Variants in LOXHD1 observed in about 807,000 individuals in gnomAD.
The protein encoded by LOXHD1 is lipoxygenase homology domain-containing protein 1.
LOXHD1 carries 205 observed loss-of-function variants against 248.2 expected under a neutral mutation model. The ratio of observed to expected loss-of-function variants is 0.83; its 90% CI spans 0.74 to 0.93. LOXHD1 has a LOEUF of 0.93. Among genes scored for constraint, LOXHD1 ranks in the 40% least tolerant of loss-of-function variants. The pLI is 0.00. For synonymous variants in LOXHD1, 1,113 were observed against 1,162.8 expected (o/e 0.96, Z 0.87); for missense variants, 2,930 against 2,971.6 (o/e 0.99, Z 0.33).
At chr18:46,625,857 GA>G (rs2038734873) in intron 4 of LOXHD1, among the ~76,000 whole-genome samples, 2 of 152,050 alleles carry the variant, frequency 1.3e-5, no homozygotes, top group Non-Finnish European at 2.9e-5. Flanking sequence ...CTCTACGGAA[GA>G]CCCCTCCCAT....
intron 23 of LOXHD1, chr18:46,544,760 T>C: frequency 2.1e-6 from 1 of 469,046 alleles, no homozygotes; most frequent in South Asian, 1.6e-5. Flanking sequence ...TACCAGCACA[T>C]TGTTGTAGTA....
At chr18:46,525,540 G>C (rs116661844) in intron 29 of LOXHD1, among the ~76,000 whole-genome samples, 2,498 of 152,186 alleles carry the variant, frequency 0.016, 73 homozygotes, top group African/African-American at 0.057. Context: ...TGGGGGTTGT[G>C]ATACAAGGCC....
intron 21 of LOXHD1, among the ~76,000 whole-genome samples, chr18:46,552,620 G>A (rs75409927): frequency 0.23 from 34,497 of 151,984 alleles, 4,248 homozygotes; most frequent in Middle Eastern, 0.36. Context: ...GGGAGCCAAG[G>A]CCTCCACAGC....
chr18:46,557,933 G>T, intron 20 of LOXHD1: 4 of 1,044,746 alleles, frequency 3.8e-6, no homozygotes, highest in Non-Finnish European at 4.6e-6. Flanking sequence ...CAAATCCAAA[G>T]TGACTGTCAG....
intron 16 of LOXHD1, among the ~76,000 whole-genome samples, chr18:46,568,786 G>A (rs1311905654): frequency 6.6e-6 from 1 of 152,134 alleles, no homozygotes. Context: ...ACCTAAGTTG[G>A]GTTCAGTTCA....
chr18:46,483,803 A>G, intron 39 of LOXHD1, 58 bp from the exon 40 acceptor site: 2 of 1,520,714 alleles, frequency 1.3e-6, no homozygotes, highest in Non-Finnish European at 1.8e-6. Context: ...GCAGGTAAGC[A>G]TTTGTCGGGG....
At chr18:46,477,167 G>A (rs548441710), downstream of LOXHD1, 1 of 719,244 alleles carries the variant, frequency 1.4e-6, no homozygotes, top group South Asian at 1.5e-5. Context: ...TATCCCCTGG[G>A]TGAAGACTCA....
chr18:46,541,500 G>C (rs2036555664), intron 25 of LOXHD1, among the ~76,000 whole-genome samples: 1 of 152,178 alleles, frequency 6.6e-6, no homozygotes, highest in African/African-American at 2.4e-5. Flanking sequence ...TGCTGCAGAT[G>C]AGGAATCTGA....
At chr18:46,635,912 A>AGAGGG (rs2038887135) in intron 4 of LOXHD1, among the ~76,000 whole-genome samples, 1 of 152,172 alleles carries the variant, frequency 6.6e-6, no homozygotes, top group South Asian at 2.1e-4. Flanking sequence ...AGCACAAACA[A>AGAGGG]CCTGCCTCTT....
intron 4 of LOXHD1, among the ~76,000 whole-genome samples, chr18:46,625,413 GC>G (rs2038727392): frequency 8.1e-6 from 1 of 122,952 alleles, no homozygotes; most frequent in South Asian, 2.6e-4. Flanking sequence ...CAGTCTTTTG[GC>G]TTCCCTGGGC....
intron 28 of LOXHD1, among the ~76,000 whole-genome samples, chr18:46,532,730 T>C (rs2036127783): frequency 6.6e-6 from 1 of 152,194 alleles, no homozygotes; most frequent in Admixed American, 6.5e-5. Context: ...TCCAGTTACA[T>C]ATAAATCAAG....
At position 46,483,618 on chromosome 18, in the gene LOXHD1, T is replaced by A; in HGVS notation, c.6310A>T (p.Ile2104Phe). The A allele has an allele frequency of 1.3e-6, 2 of 1,551,658 alleles. No homozygotes were observed. The highest frequency in any genetic ancestry group is 1.7e-6 in the Non-Finnish European group (2 of 1,146,990). Reference sequence around the variant, plus strand: ...CCGTACTCCATCTCGGTGATGGTGATGGTCTTGACATGCCAGGCAAGTTCT... The same window carrying A: ...CCGTACTCCATCTCGGTGATGGTGAAGGTCTTGACATGCCAGGCAAGTTCT... ...KRELAWHVKT[I>F]TITEMEYGNV... The change falls in exon 40 of 41, where the codon ATC (isoleucine) becomes TTC (phenylalanine). Residue 2104 changes from isoleucine (I) to phenylalanine (F), a missense_variant. Coordinates refer to ENST00000642948, the MANE Select transcript of LOXHD1 (RefSeq NM_001384474.1).
intron 21 of LOXHD1, 24 bp from the exon 22 acceptor site, chr18:46,547,082 T>C (rs765965422): frequency 2.4e-5 from 38 of 1,551,526 alleles, no homozygotes; most frequent in Middle Eastern, 3.3e-4. Context: ...TAGGGAAAGA[T>C]TGGAATGTCC....
chr18:46,551,681 A>G (rs561413422), intron 21 of LOXHD1, among the ~76,000 whole-genome samples: 6 of 152,254 alleles, frequency 3.9e-5, no homozygotes, highest in East Asian at 3.9e-4. Context: ...GTTCAAACAT[A>G]AAATTTTCTG....
At chr18:46,564,106 G>GTA (rs1404833740) in intron 17 of LOXHD1, among the ~76,000 whole-genome samples, 5 of 152,116 alleles carry the variant, frequency 3.3e-5, no homozygotes, top group Non-Finnish European at 7.3e-5. Flanking sequence ...GTGTGTGTGT[G>GTA]TGTGTGTGTG....
chr18:46,572,508 G>A (rs1350140856), intron 14 of LOXHD1, among the ~76,000 whole-genome samples: 2 of 152,178 alleles, frequency 1.3e-5, no homozygotes, highest in African/African-American at 2.4e-5. Flanking sequence ...AGTTGAAACA[G>A]GACCATGTGG....
rs550369388 is a variant in LOXHD1 at position 46,630,165 on chromosome 18, C to T, written c.511+9451G>A. ...TCTCTGCTTCTGCCAGTGCCTGAGTCTGAAACATTTCTGAGCTGTTGTGCT... is the reference window on the plus strand; with the variant it reads ...TCTCTGCTTCTGCCAGTGCCTGAGTTTGAAACATTTCTGAGCTGTTGTGCT... On this transcript the variant is annotated intron_variant, in intron 4 of 40. Coordinates refer to ENST00000642948, the MANE Select transcript of LOXHD1 (RefSeq NM_001384474.1). Among the ~76,000 whole-genome samples, 11 of 152,308 alleles carry T rather than the reference C, an allele frequency of 7.2e-5. No homozygotes were observed. The South Asian group carries it at 2.1e-3, about 29-fold the overall frequency.
intron 21 of LOXHD1, 127 bp from the exon 22 acceptor site, chr18:46,547,185 A>T (rs1598971907): frequency 9.4e-7 from 1 of 1,068,520 alleles, no homozygotes; most frequent in East Asian, 2.6e-5. Flanking sequence ...CCCTGACAGC[A>T]TTGCCCTGCT....
intron 1 of LOXHD1, among the ~76,000 whole-genome samples, chr18:46,653,386 G>A (rs328182): frequency 0.77 from 117,791 of 152,240 alleles, 45,561 homozygotes; most frequent in East Asian, 0.9. Flanking sequence ...TGGTTGCACA[G>A]GCATGTGCAT....
Sources: allele counts gnomAD v4.1 joint callset (sites outside exome capture counted in the v4.1 genomes callset), GRCh38; gene constraint gnomAD v4.1.1; transcripts MANE v1.5; gene names NCBI Gene and HGNC (gene_info 2026-07-23, HGNC 2026-07-21).